The following CSMD1 variants were observed in gnomAD, a reference collection of about 807,000 sequenced individuals.
The protein encoded by CSMD1 is CUB and sushi domain-containing protein 1.
A neutral mutation model predicts 417.5 loss-of-function variants in CSMD1; 213 were observed. That is an observed-to-expected ratio of 0.51 (90% CI 0.46 to 0.57). CSMD1 has a LOEUF of 0.57. Ranked by LOEUF, CSMD1 falls within the 20% of genes least tolerant of loss-of-function variation. The pLI, the probability that CSMD1 is intolerant of heterozygous loss-of-function variation, is 0.00. For synonymous variants in CSMD1, 2,862 were observed against 1,736.8 expected (o/e 1.65, Z -16.11); for missense variants, 6,923 against 4,529.7 (o/e 1.53, Z -15.17).
intron 23 of CSMD1, among the ~76,000 whole-genome samples, chr8:3,341,321 A>C (rs1807627553): frequency 6.6e-6 from 1 of 152,212 alleles, no homozygotes; most frequent in Admixed American, 6.5e-5. Context: ...TTATGGAAAC[A>C]GCTCAGTATC....
chr8:3,746,429 A>G (rs1489151085), intron 6 of CSMD1, among the ~76,000 whole-genome samples: 1 of 152,210 alleles, frequency 6.6e-6, no homozygotes, highest in Non-Finnish European at 1.5e-5. Flanking sequence ...CAAAGTTTAG[A>G]GAAAGGAAGG....
At chr8:4,609,023 A>C (rs1244395324) in intron 2 of CSMD1, among the ~76,000 whole-genome samples, 3 of 152,038 alleles carry the variant, frequency 2.0e-5, no homozygotes, top group Non-Finnish European at 4.4e-5. Flanking sequence ...AAAAAAAAAA[A>C]AAAAACATGA....
At chr8:2,962,203 C>T (rs189254807) in intron 61 of CSMD1, among the ~76,000 whole-genome samples, 287 of 152,234 alleles carry the variant, frequency 1.9e-3, no homozygotes, top group Admixed American at 5.6e-3. Flanking sequence ...AGGTAGACAG[C>T]GGAGAGAGCC....
chr8:3,569,514 T>C (rs1799859132), intron 10 of CSMD1, among the ~76,000 whole-genome samples: 2 of 152,192 alleles, frequency 1.3e-5, no homozygotes, highest in African/African-American at 4.8e-5. Flanking sequence ...TTCTGTCCTA[T>C]CTTATTTCTT....
At chr8:4,024,506 A>G (rs2130526298) in intron 4 of CSMD1, among the ~76,000 whole-genome samples, 1 of 152,328 alleles carries the variant, frequency 6.6e-6, no homozygotes, top group Non-Finnish European at 1.5e-5. Flanking sequence ...CTGACTTGTT[A>G]CAATGTCCAA....
intron 3 of CSMD1, among the ~76,000 whole-genome samples, chr8:4,109,372 G>C (rs577125890): frequency 1.3e-5 from 2 of 152,106 alleles, no homozygotes; most frequent in South Asian, 2.1e-4. Flanking sequence ...TAGATTTACT[G>C]GGCATATAAT....
At chr8:3,625,524 A>G (rs1249190716) in intron 7 of CSMD1, among the ~76,000 whole-genome samples, 2 of 152,080 alleles carry the variant, frequency 1.3e-5, no homozygotes, top group Non-Finnish European at 2.9e-5. Flanking sequence ...AATTTTACCC[A>G]TGTTCTCTGG....
intron 22 of CSMD1, among the ~76,000 whole-genome samples, 188 bp from the exon 23 acceptor site, chr8:3,343,638 C>A (rs1024530628): frequency 6.6e-6 from 1 of 152,066 alleles, no homozygotes; most frequent in African/African-American, 2.4e-5. Flanking sequence ...TTATCTTTAC[C>A]ATTAACACTG....
chr8:4,242,318 A>C (rs1176106136), intron 3 of CSMD1, among the ~76,000 whole-genome samples: 1 of 152,162 alleles, frequency 6.6e-6, no homozygotes, highest in Non-Finnish European at 1.5e-5. Context: ...TGTAATTACA[A>C]GTGATTAGTA....
intron 20 of CSMD1, 147 bp from the exon 21 acceptor site, chr8:3,359,487 A>AT (rs1218718290): frequency 9.6e-5 from 58 of 605,300 alleles, no homozygotes; most frequent in South Asian, 3.5e-4. Context: ...TGTTACGTGC[A>AT]TTTTTTTTCT....
At chr8:3,547,433 T>A (rs1798714440) in intron 10 of CSMD1, among the ~76,000 whole-genome samples, 2 of 152,196 alleles carry the variant, frequency 1.3e-5, no homozygotes, top group Non-Finnish European at 2.9e-5. Flanking sequence ...CTTGTACATA[T>A]ACAGATGTAT....
intron 3 of CSMD1, among the ~76,000 whole-genome samples, chr8:4,136,698 T>G (rs1348052844): frequency 1.3e-5 from 2 of 152,204 alleles, no homozygotes; most frequent in Non-Finnish European, 2.9e-5. Flanking sequence ...CTTCAGAGAC[T>G]ACGTAACATC....
rs536801394 is a variant in CSMD1, at chr8:3,932,369, A to T, written c.818+65534T>A. The stretch of plus-strand genomic sequence containing the variant: ...TGCGACTAGAGGAATGAATATAGGC[A>T]CTTGGGTGTTTTGCTATGCCTGCAA... On this transcript the variant is annotated intron_variant, in intron 5 of 69. Coordinates refer to ENST00000635120, the MANE Select transcript of CSMD1 (RefSeq NM_033225.6). Among the ~76,000 whole-genome samples, 70 of 150,582 alleles carry T rather than the reference A, an allele frequency of 4.6e-4. 2 individuals carry two copies. The highest frequency in any genetic ancestry group is 2.2e-4 in the Non-Finnish European group (15 of 67,586).
Position 4,814,196 on chromosome 8 carries a change from T to G in CSMD1, c.86-176638A>C, listed in dbSNP as rs971407601. ...GGTTTCTTCCATCTTCAGAATGATT[T>G]TGTGTGTGTGTGTGTGTGTGTGCGT... On this transcript the variant is annotated intron_variant, in intron 1 of 69. Coordinates refer to ENST00000635120, the MANE Select transcript of CSMD1 (RefSeq NM_033225.6). Among the ~76,000 whole-genome samples the G allele has an allele frequency of 1.3e-4, 19 of 149,808 alleles. No individual in the cohort carries two copies. The South Asian group carries it at 3.4e-3, about 27-fold the overall frequency.
At chr8:4,171,792 T>C (rs73510805) in intron 3 of CSMD1, among the ~76,000 whole-genome samples, 4,815 of 152,256 alleles carry the variant, frequency 0.032, 138 homozygotes, top group African/African-American at 0.077. Context: ...TTTACTTGAG[T>C]AACTTCATTC....
intron 5 of CSMD1, among the ~76,000 whole-genome samples, chr8:3,935,078 G>A (rs1810390995): frequency 1.3e-5 from 2 of 152,058 alleles, no homozygotes; most frequent in African/African-American, 4.8e-5. Context: ...ACTACAATAT[G>A]CTTACATCTA....
At chr8:4,835,809 A>T (rs7012960) in intron 1 of CSMD1, among the ~76,000 whole-genome samples, 130,705 of 151,182 alleles carry the variant, frequency 0.86, 57,900 homozygotes, top group East Asian at 0.98. Context: ...ATATCTCATC[A>T]AGTATCCAGA....
rs574022843 is a variant in CSMD1 at position 4,694,391 on chromosome 8, G to A, written c.86-56833C>T. 1.6e-4 allele frequency among the ~76,000 whole-genome samples: 25 copies of A among 151,714 alleles called. No homozygotes were observed. The South Asian group carries it at 3.6e-3, about 22-fold the overall frequency. On this transcript the variant is annotated intron_variant, in intron 1 of 69. Coordinates refer to ENST00000635120, the MANE Select transcript of CSMD1 (RefSeq NM_033225.6). Reference sequence around the variant, plus strand: ...TTTTGAGACGGAGTCTCGCTCTGTCGCCCAGGCTAGAGTGCAGTCGTGTGA... The same window carrying A: ...TTTTGAGACGGAGTCTCGCTCTGTCACCCAGGCTAGAGTGCAGTCGTGTGA...
chr8:4,975,902 C>T (rs947914744), intron 1 of CSMD1, among the ~76,000 whole-genome samples: 14 of 152,140 alleles, frequency 9.2e-5, no homozygotes, highest in African/African-American at 3.1e-4. Flanking sequence ...AATAGTATTT[C>T]CTATGTTGCT....
Sources: gnomAD v4.1 joint callset for allele counts (sites outside exome capture counted in the v4.1 genomes callset) on GRCh38, gnomAD v4.1.1 for gene constraint, MANE v1.5 for transcripts, NCBI Gene and HGNC (gene_info 2026-07-23, HGNC 2026-07-21) for gene names.